The following PDE5A variants were observed in gnomAD, a reference collection of about 807,000 sequenced individuals.
PDE5A encodes the protein phosphodiesterase 5A.
A neutral mutation model predicts 110.2 loss-of-function variants in PDE5A; 67 were observed. That is an observed-to-expected ratio of 0.61 (90% confidence interval 0.50 to 0.75). PDE5A has a LOEUF of 0.75. PDE5A is among the 30% of genes least tolerant of loss of function. The probability of loss-of-function intolerance (pLI) is 0.00; values close to 1 mark genes in which losing one functional copy is unlikely to be tolerated. For missense variants in PDE5A, 862 were observed against 1,045.1 expected, an observed-to-expected ratio of 0.82 and a Z score of 2.42; for synonymous variants, 328 against 351.2, an observed-to-expected ratio of 0.93 and a Z score of 0.74.
At position 119,596,522 on chromosome 4, in the gene PDE5A, C is replaced by A; in HGVS notation, c.831+1G>T. ...TTTTATAAAATGGAAAATTGGCTTA[C>A]CTCTTCCCTATGATTCTTAATTGGC... is the stretch of plus-strand genomic sequence containing the variant. On this transcript the variant is annotated splice_donor_variant, in intron 3 of 20. Transcript: ENST00000354960. LOFTEE classifies it high-confidence loss of function. The A allele has an allele frequency of 6.4e-7, 1 of 1,553,228 alleles. No individual in the cohort carries two copies. Among genetic ancestry groups the A allele is most frequent in the Non-Finnish European group, 8.8e-7 (1 of 1,142,466 alleles).
Position 119,499,987 on chromosome 4 carries a change from T to A in PDE5A, c.2490+1183A>T, listed in dbSNP as rs1028238136. On this transcript the variant is annotated intron_variant, in intron 20 of 20. Coordinates refer to ENST00000354960, the MANE Select transcript of PDE5A (RefSeq NM_001083.4). ...TTGTGTGTGTGTATATATATATATA[T>A]AAATGTAGAAGGATAACATCTATAA... 3.3e-5 allele frequency: 5 copies of A among 151,872 alleles called. No individual in the cohort carries two copies. The South Asian group carries it at 6.2e-4, about 19-fold the overall frequency. 9.4% of individuals were successfully genotyped at this position (151,872 alleles called of 1,614,324 possible).
intron 9 of PDE5A, among the ~76,000 whole-genome samples, chr4:119,545,373 G>A (rs191997470): frequency 2.0e-5 from 3 of 152,114 alleles, no homozygotes; most frequent in East Asian, 3.9e-4. Context: ...GAGATGCCAC[G>A]TTACTCATAA....
In PDE5A at chr4:119,495,059, A is replaced by C. The variant is rs1305221429; in HGVS notation, c.*3542T>G. On this transcript the variant is annotated 3_prime_UTR_variant, in exon 21 of 21. Coordinates refer to ENST00000354960, the MANE Select transcript of PDE5A (RefSeq NM_001083.4). ...GTGTTCTTCAACTATCAGCAGGTTA[A>C]GTGATTCATACTTGCAAAAAGACAG... 3 of 152,526 alleles carry C rather than the reference A, an allele frequency of 2.0e-5. No individual in the cohort carries two copies. The allele number at this position is 152,526 out of a possible 1,614,324, so 9.4% of individuals were successfully genotyped here. A position where few individuals can be genotyped will look rare whatever the true frequency, so the allele number is the denominator to read the frequency against.
chr4:119,578,741 G>C (rs1728475180), intron 3 of PDE5A, among the ~76,000 whole-genome samples: 1 of 152,138 alleles, frequency 6.6e-6, no homozygotes, highest in Non-Finnish European at 1.5e-5. Flanking sequence ...AACCCTAGAA[G>C]AAAACCTAGG....
At chr4:119,516,868 C>T (rs985568554) in intron 14 of PDE5A, among the ~76,000 whole-genome samples, 2 of 152,226 alleles carry the variant, frequency 1.3e-5, no homozygotes, top group Non-Finnish European at 2.9e-5. Context: ...ATCCACCTGT[C>T]TCGGCCTCCC....
At chr4:119,554,774 A>G (rs1420246542) in intron 7 of PDE5A, among the ~76,000 whole-genome samples, 2 of 152,242 alleles carry the variant, frequency 1.3e-5, no homozygotes, top group Non-Finnish European at 2.9e-5. Context: ...AAATTTAAAC[A>G]ATAGTACAAC....
chr4:119,626,518 T>C (rs893364458), intron 1 of PDE5A, among the ~76,000 whole-genome samples: 2 of 152,236 alleles, frequency 1.3e-5, no homozygotes, highest in Non-Finnish European at 2.9e-5. Context: ...CAATACATAC[T>C]TTTAAAAATC....
intron 1 of PDE5A, among the ~76,000 whole-genome samples, chr4:119,622,929 G>A (rs1730210198): frequency 6.8e-6 from 1 of 146,288 alleles, no homozygotes; most frequent in Admixed American, 6.8e-5. Context: ...TTATCAAAAT[G>A]ATTCTTATAA....
intron 1 of PDE5A, among the ~76,000 whole-genome samples, chr4:119,618,162 C>T (rs1730007659): frequency 6.6e-6 from 1 of 152,082 alleles, no homozygotes. Flanking sequence ...ATTATTTACT[C>T]TCTTTGTAAA....
chr4:119,594,419 A>G (rs187377259), intron 3 of PDE5A, among the ~76,000 whole-genome samples: 1 of 152,324 alleles, frequency 6.6e-6, no homozygotes, highest in Non-Finnish European at 1.5e-5. Flanking sequence ...TAAAAGCTGA[A>G]CATTGTCTTC....
chr4:119,504,561 G>A lies in PDE5A; in HGVS notation c.2306C>T (p.Thr769Ile). Residue 769 changes from threonine to isoleucine, a missense_variant, in exon 18 of 21, where the codon ACA becomes ATA. Coordinates refer to ENST00000354960, the MANE Select transcript of PDE5A (RefSeq NM_001083.4). ...CCGTTGTTGAATAGGCCAGGGTTTT[G>A]TAATTGCAGAAAGATCACAAGCTGT... Reference protein sequence around the residue: ...LMTACDLSAITKPWPIQQRIA... With the variant: ...LMTACDLSAIIKPWPIQQRIA... The A allele has an allele frequency of 1.2e-6, 2 of 1,612,370 alleles. No individual in the cohort carries two copies. Among genetic ancestry groups the A allele is most frequent in the Non-Finnish European group, 1.7e-6 (2 of 1,178,962 alleles).
At chr4:119,606,030 G>A (rs1729515562) in intron 2 of PDE5A, among the ~76,000 whole-genome samples, 1 of 152,144 alleles carries the variant, frequency 6.6e-6, no homozygotes, top group African/African-American at 2.4e-5. Context: ...TTAATAAAAA[G>A]GATTATTTTA....
At chr4:119,548,614 C>A (rs1727225789) in intron 9 of PDE5A, 1 of 152,134 alleles carries the variant, frequency 6.6e-6, no homozygotes, top group African/African-American at 2.4e-5. Context: ...TGTTTCTGAT[C>A]CACTAAAGAC....
At chr4:119,624,180 G>A (rs1051484764) in intron 1 of PDE5A, among the ~76,000 whole-genome samples, 3 of 152,066 alleles carry the variant, frequency 2.0e-5, no homozygotes, top group African/African-American at 7.2e-5. Flanking sequence ...AAGTTAGACT[G>A]GGTCAATGCT....
intron 9 of PDE5A, among the ~76,000 whole-genome samples, chr4:119,550,654 A>C (rs1387224943): frequency 6.6e-6 from 1 of 152,194 alleles, no homozygotes; most frequent in Admixed American, 6.5e-5. Context: ...GGAAAAGTGA[A>C]GATGTGACTT....
chr4:119,521,861 G>T (rs1408287748), intron 12 of PDE5A, among the ~76,000 whole-genome samples: 1 of 152,018 alleles, frequency 6.6e-6, no homozygotes, highest in Non-Finnish European at 1.5e-5. Context: ...AACATGGTCT[G>T]TGTTAGCATC....
Position 119,502,239 on chromosome 4 carries a change from C to T in PDE5A, c.2406+342G>A, listed in dbSNP as rs116761053. Reference sequence around the variant, plus strand: ...ATAGTGAACACTGCAAATATTACACCAAGGGACGTAGGTAAATTATGGTTA... The same window carrying T: ...ATAGTGAACACTGCAAATATTACACTAAGGGACGTAGGTAAATTATGGTTA... On this transcript the variant is annotated intron_variant, in intron 19 of 20. Coordinates refer to ENST00000354960, the MANE Select transcript of PDE5A (RefSeq NM_001083.4). Among the ~76,000 whole-genome samples, 603 of 151,948 alleles carry T rather than the reference C, an allele frequency of 4.0e-3. 5 individuals carry two copies. The highest frequency in any genetic ancestry group is 0.013 in the African/African-American group (552 of 41,442).
Position 119,542,485 on chromosome 4 carries a change from T to C in PDE5A, c.1546A>G (p.Met516Val). 3 of 1,613,888 alleles carry C rather than the reference T, an allele frequency of 1.9e-6. No homozygotes were observed. In the South Asian group the frequency reaches 3.3e-5, roughly 18 times the overall value. The change falls in exon 10 of 21, where the codon ATG (methionine) becomes GTG (valine). Residue 516 changes from methionine (M) to valine (V), a missense_variant. Physicochemically the swap from Met to Val is conservative, Grantham distance 21. Transcript: ENST00000354960. Reference protein sequence around the residue: ...TQMYEAVERAMAKQMVTLEVL... With the variant: ...TQMYEAVERAVAKQMVTLEVL... ...TCCAATGTGACCATTTGCTTGGCCA[T>C]GGCTCTCTCCACTGCTTCATACATC...
Position 119,596,565 on chromosome 4 carries a change from T to G in PDE5A, c.789A>C (p.Thr263=). The G allele has an allele frequency of 6.2e-7, 1 of 1,602,770 alleles. No homozygotes were observed. Among genetic ancestry groups the G allele is most frequent in the South Asian group, 1.1e-5 (1 of 88,280 alleles). ...AEVDQITGYK[T]QSILCMPIKN... ...TAATTGGCATACAAAGAATGCTTTG[T>G]GTCTTGTAGCCTGTAATTTGGTCAA... Residue 263 remains threonine, a synonymous_variant, in exon 3 of 21, where the codon ACA becomes ACC. Coordinates refer to ENST00000354960, the MANE Select transcript of PDE5A (RefSeq NM_001083.4).
Sources: allele counts gnomAD v4.1 joint callset (sites outside exome capture counted in the v4.1 genomes callset), GRCh38; gene constraint gnomAD v4.1.1; transcripts MANE v1.5; gene names NCBI Gene and HGNC (gene_info 2026-07-23, HGNC 2026-07-21).